NR2C2: variants seen among roughly 807,000 people sequenced by gnomAD.
The protein encoded by NR2C2 is nuclear receptor subfamily 2 group C member 2.
Under a neutral mutation model 62.9 loss-of-function variants are expected in NR2C2, and 6 were observed. The observed-to-expected ratio is 0.10, with a 90% CI of 0.05 to 0.19. NR2C2 has a LOEUF of 0.19. Among genes scored for constraint, NR2C2 ranks in the 10% least tolerant of loss-of-function variants. The pLI is 1.00. For synonymous variants in NR2C2, 272 were observed against 273.8 expected (o/e 0.99, Z 0.07); for missense variants, 479 against 762.7 (o/e 0.63, Z 4.38).
At chr3:14,951,243 G>A (rs1399123682) in intron 1 of NR2C2, among the ~76,000 whole-genome samples, 1 of 152,166 alleles carries the variant, frequency 6.6e-6, no homozygotes, top group Non-Finnish European at 1.5e-5. Flanking sequence ...GGAGTTGAAA[G>A]TCTCTGTAGC....
In NR2C2 at chr3:15,047,499, A is replaced by G. The variant is rs1188427673; in HGVS notation, c.*4491A>G. On this transcript the variant is annotated 3_prime_UTR_variant, in exon 14 of 14. Transcript: ENST00000425241. ...AGGAACTTGGCAGTTGGGTTGAGCC[A>G]TCAGCCTTCCCAGCTATTCAGCTCT... The G allele has an allele frequency of 1.3e-5, 2 of 152,232 alleles. No individual in the cohort carries two copies. The highest frequency in any genetic ancestry group is 1.5e-5 in the Non-Finnish European group (1 of 68,042). 9.4% of individuals were successfully genotyped at this position (152,232 alleles called of 1,614,324 possible). A position where few individuals can be genotyped will look rare whatever the true frequency, so the allele number is the denominator to read the frequency against.
intron 1 of NR2C2, among the ~76,000 whole-genome samples, chr3:14,969,305 G>T (rs1224786524): frequency 6.7e-6 from 1 of 148,558 alleles, no homozygotes; most frequent in African/African-American, 2.5e-5. Context: ...GAGTGCAGTG[G>T]TGTGGTCTCG....
Position 15,048,473 on chromosome 3 carries a change from A to G in NR2C2, c.*5465A>G, listed in dbSNP as rs190155062. ...TGTCAGATATTTTTAATGCCCAGCT[A>G]TAAATAATTTTGGTGTCTTGATATT... On this transcript the variant is annotated 3_prime_UTR_variant, in exon 14 of 14. Transcript: ENST00000425241. 2 of 152,764 alleles carry G rather than the reference A, an allele frequency of 1.3e-5. No homozygotes were observed. Among genetic ancestry groups the G allele is most frequent in the Admixed American group, 6.5e-5 (1 of 15,302 alleles). 9.5% of individuals were successfully genotyped at this position (152,764 alleles called of 1,614,324 possible). A position where few individuals can be genotyped will look rare whatever the true frequency, so the allele number is the denominator to read the frequency against.
chr3:15,030,563 C>T, intron 9 of NR2C2, 111 bp downstream of exon 9: 1 of 1,145,376 alleles, frequency 8.7e-7, no homozygotes, highest in African/African-American at 1.6e-5. Flanking sequence ...CATAGTGGCT[C>T]ATGCCTGTAA....
chr3:14,991,576 A>G (rs1268871948), intron 1 of NR2C2, among the ~76,000 whole-genome samples: 3 of 152,078 alleles, frequency 2.0e-5, no homozygotes, highest in African/African-American at 4.8e-5. Flanking sequence ...GAGATTTGTA[A>G]CACTAGATCT....
At chr3:15,000,834 T>A (rs564089783) in intron 1 of NR2C2, among the ~76,000 whole-genome samples, 1 of 135,316 alleles carries the variant, frequency 7.4e-6, no homozygotes, top group Non-Finnish European at 1.6e-5. Flanking sequence ...TTTTTTTTTT[T>A]GACGGAGTCT....
At chr3:15,018,757 C>T (rs2041585291) in intron 4 of NR2C2, among the ~76,000 whole-genome samples, 1 of 152,020 alleles carries the variant, frequency 6.6e-6, no homozygotes, top group Non-Finnish European at 1.5e-5. Context: ...TGTCTCACAT[C>T]TGTAATCCCA....
At chr3:14,949,535 GT>G (rs2125193381) in intron 1 of NR2C2, among the ~76,000 whole-genome samples, 1 of 152,336 alleles carries the variant, frequency 6.6e-6, no homozygotes, top group South Asian at 2.1e-4. Context: ...TAATAAGAAA[GT>G]CGAGGAAAAT....
intron 1 of NR2C2, among the ~76,000 whole-genome samples, chr3:14,964,964 G>A (rs1251754198): frequency 3.9e-5 from 6 of 152,108 alleles, no homozygotes; most frequent in African/African-American, 1.4e-4. Flanking sequence ...CTGTCACAGG[G>A]TGTACTCACA....
chr3:15,021,321 A>G (rs1024394712), intron 5 of NR2C2, among the ~76,000 whole-genome samples: 2 of 152,058 alleles, frequency 1.3e-5, no homozygotes, highest in African/African-American at 4.8e-5. Flanking sequence ...CACCTTACTT[A>G]TATATTGCTC....
intron 1 of NR2C2, among the ~76,000 whole-genome samples, chr3:14,970,546 TCTCTAGG>T (rs999816175): frequency 1.3e-5 from 2 of 152,174 alleles, no homozygotes; most frequent in African/African-American, 4.8e-5. Flanking sequence ...GAATTTGACT[TCTCTAGG>T]TACCTTATGT....
intron 1 of NR2C2, among the ~76,000 whole-genome samples, chr3:14,993,288 T>A (rs2040720843): frequency 6.6e-6 from 1 of 151,922 alleles, no homozygotes; most frequent in Non-Finnish European, 1.5e-5. Context: ...ACCCCGTCTC[T>A]ACTAAAAATA....
At chr3:14,976,504 C>A (rs1296190300) in intron 1 of NR2C2, among the ~76,000 whole-genome samples, 1 of 151,852 alleles carries the variant, frequency 6.6e-6, no homozygotes, top group African/African-American at 2.4e-5. Flanking sequence ...TGCTGTAGTC[C>A]CTACTGATTG....
chr3:15,030,361 G>A lies in NR2C2; in HGVS notation c.1019G>A (p.Gly340Glu), dbSNP rs749965858. The change falls in exon 9 of 14, where the codon GGA (glycine) becomes GAA (glutamate). Residue 340 changes from glycine (G) to glutamate (E), a missense_variant. Physicochemically the swap from Gly to Glu is moderately conservative, Grantham distance 98 (BLOSUM62 -2). This residue lies in a region of NR2C2 where 151 missense variants were observed against 176.1 expected (regional missense o/e 0.86). Transcript: ENST00000425241. ...SLADGIDTSG[G>E]GSIHVISRDQ... is the part of the protein sequence containing the mutation. The stretch of plus-strand genomic sequence containing the variant: ...GCAGATGGGATAGACACCAGTGGAG[G>A]AGGGAGCATCCACGTCATCAGCAGA... 1.9e-6 allele frequency: 3 copies of A among 1,613,714 alleles called. No individual in the cohort carries two copies. Among genetic ancestry groups the A allele is most frequent in the Admixed American group, 1.7e-5 (1 of 59,882 alleles).
chr3:15,023,384 G>A, intron 6 of NR2C2, 37 bp downstream of exon 6: 1 of 1,610,598 alleles, frequency 6.2e-7, no homozygotes, highest in Non-Finnish European at 8.5e-7. Context: ...AGCCTTTGCA[G>A]CTGATGGAGG....
At chr3:15,037,746 G>T (rs2042144634) in intron 11 of NR2C2, among the ~76,000 whole-genome samples, 1 of 152,228 alleles carries the variant, frequency 6.6e-6, no homozygotes, top group South Asian at 2.1e-4. Context: ...CAGGCCAGCT[G>T]CCTGGCAGCA....
intron 4 of NR2C2, 63 bp from the exon 5 acceptor site, chr3:15,020,690 A>C: frequency 6.4e-7 from 1 of 1,566,018 alleles, no homozygotes; most frequent in African/African-American, 1.3e-5. Context: ...CTGACAGATC[A>C]CCTCTTTGGT....
intron 1 of NR2C2, among the ~76,000 whole-genome samples, chr3:14,964,563 A>G (rs980323796): frequency 6.6e-6 from 1 of 151,458 alleles, no homozygotes; most frequent in Non-Finnish European, 1.5e-5. Flanking sequence ...TGCCGAGGCT[A>G]TTGTGCAGTG....
At chr3:15,016,388 T>C in intron 4 of NR2C2, 134 bp downstream of exon 4, 3 of 617,774 alleles carry the variant, frequency 4.9e-6, no homozygotes, top group Non-Finnish European at 8.7e-6. Flanking sequence ...AATTCTACTT[T>C]TCTTATTGGG....
Sources: gnomAD v4.1 joint callset for allele counts (sites outside exome capture counted in the v4.1 genomes callset) on GRCh38, gnomAD v4.1.1 for gene constraint, gnomAD v4.1.1 regional missense constraint, MANE v1.5 for transcripts, NCBI Gene and HGNC (gene_info 2026-07-23, HGNC 2026-07-21) for gene names.